Variants in ADAMTS6 observed in about 807,000 individuals in gnomAD.
The protein encoded by ADAMTS6 is A disintegrin and metalloproteinase with thrombospondin motifs 6.
A neutral mutation model predicts 144.3 loss-of-function variants in ADAMTS6; 23 were observed. The observed-to-expected ratio is 0.16, with a 90% CI of 0.11 to 0.23. The LOEUF is 0.23. Ranked by LOEUF, ADAMTS6 falls within the 10% of genes least tolerant of loss-of-function variation. The pLI, the probability that ADAMTS6 is intolerant of heterozygous loss-of-function variation, is 1.00. For synonymous variants in ADAMTS6, 444 were observed against 457.5 expected (o/e 0.97, Z 0.38); for missense variants, 999 against 1,379.6 (o/e 0.72, Z 4.37).
At position 65,215,454 on chromosome 5, in the gene ADAMTS6, T is replaced by C; in HGVS notation, c.2306A>G (p.Asn769Ser). The C allele has an allele frequency of 6.2e-7, 1 of 1,612,608 alleles. No homozygotes were observed. Among genetic ancestry groups the C allele is most frequent in the Non-Finnish European group, 8.5e-7 (1 of 1,179,516 alleles). The change falls in exon 19 of 25, where the codon AAT (asparagine) becomes AGT (serine). Residue 769 changes from asparagine (N) to serine (S), a missense_variant. Physicochemically the swap from Asn to Ser is conservative, Grantham distance 46. Coordinates refer to ENST00000381055, the MANE Select transcript of ADAMTS6 (RefSeq NM_197941.4). ...AGGCCAGTCAATAGTCCAGGCACCA[T>C]TAATATAGTAATCATCTCCTTCAGA... is the stretch of plus-strand genomic sequence containing the variant. ...LKSEGDDYYI[N>S]GAWTIDWPRK...
intron 20 of ADAMTS6, among the ~76,000 whole-genome samples, chr5:65,204,009 A>G (rs1377863374): frequency 6.6e-6 from 1 of 152,194 alleles, no homozygotes; most frequent in Non-Finnish European, 1.5e-5. Context: ...ATAATCACTA[A>G]AGCAACACAA....
At chr5:65,370,457 A>G (rs1048826504) in intron 7 of ADAMTS6, among the ~76,000 whole-genome samples, 1 of 152,170 alleles carries the variant, frequency 6.6e-6, no homozygotes, top group Non-Finnish European at 1.5e-5. Context: ...GCATTGCCTC[A>G]CCTGGGAAGC....
At chr5:65,372,355 G>C (rs1194753042) in intron 7 of ADAMTS6, among the ~76,000 whole-genome samples, 1 of 151,798 alleles carries the variant, frequency 6.6e-6, no homozygotes, top group Non-Finnish European at 1.5e-5. Flanking sequence ...CTGTATTCAG[G>C]AAACCCATCT....
chr5:65,333,190 T>A lies in ADAMTS6; in HGVS notation c.1117+852A>T, dbSNP rs575999372. 4.6e-5 allele frequency among the ~76,000 whole-genome samples: 7 copies of A among 152,216 alleles called. No individual in the cohort carries two copies. In the South Asian group the frequency reaches 1.5e-3, roughly 32 times the overall value. ...GAGAATTCATCTTCAGTTGTTTACCTTCTGAGTCTGTAAAAAGTCTCTATG... is the reference window on the plus strand; with the variant it reads ...GAGAATTCATCTTCAGTTGTTTACCATCTGAGTCTGTAAAAAGTCTCTATG... On this transcript the variant is annotated intron_variant, in intron 8 of 24. Coordinates refer to ENST00000381055, the MANE Select transcript of ADAMTS6 (RefSeq NM_197941.4).
At chr5:65,275,527 C>A (rs974289104) in intron 11 of ADAMTS6, among the ~76,000 whole-genome samples, 5 of 151,692 alleles carry the variant, frequency 3.3e-5, no homozygotes, top group Non-Finnish European at 7.4e-5. Context: ...CTCATGTTTA[C>A]GATCCAATAT....
At chr5:65,337,860 C>T (rs778249889) in intron 7 of ADAMTS6, among the ~76,000 whole-genome samples, 2 of 152,252 alleles carry the variant, frequency 1.3e-5, no homozygotes, top group Non-Finnish European at 2.9e-5. Context: ...CAAGGAGTCT[C>T]GCTTTATCCC....
intron 7 of ADAMTS6, among the ~76,000 whole-genome samples, chr5:65,416,396 G>A (rs1267391022): frequency 6.6e-6 from 1 of 152,074 alleles, no homozygotes; most frequent in African/African-American, 2.4e-5. Flanking sequence ...TCTTCAAAAG[G>A]TTAAACATAG....
chr5:65,461,083 A>G (rs1018909894), intron 3 of ADAMTS6, among the ~76,000 whole-genome samples: 9 of 152,174 alleles, frequency 5.9e-5, no homozygotes, highest in Non-Finnish European at 1.0e-4. Context: ...ACTGGAATTC[A>G]AAGTTCTGCC....
At chr5:65,471,682 T>C (rs1483084165) in intron 2 of ADAMTS6, among the ~76,000 whole-genome samples, 1 of 151,440 alleles carries the variant, frequency 6.6e-6, no homozygotes, top group African/African-American at 2.4e-5. Flanking sequence ...CACTTGAACC[T>C]GGGAGGTGGT....
At chr5:65,232,675 T>C (rs1016846062) in intron 15 of ADAMTS6, among the ~76,000 whole-genome samples, 2 of 139,820 alleles carry the variant, frequency 1.4e-5, no homozygotes, top group Non-Finnish European at 3.1e-5. Flanking sequence ...AGAACAATAA[T>C]AAGAAGAGAG....
At position 65,160,248 on chromosome 5, in the gene ADAMTS6, G is replaced by A. The variant is rs115836475; in HGVS notation, c.3245-8303C>T. Among the ~76,000 whole-genome samples the A allele has an allele frequency of 9.8e-3, 1,488 of 152,008 alleles. 20 individuals are homozygous for A. Among genetic ancestry groups the A allele is most frequent in the African/African-American group, 0.034 (1,398 of 41,450 alleles). On this transcript the variant is annotated intron_variant, in intron 24 of 24. Coordinates refer to ENST00000381055, the MANE Select transcript of ADAMTS6 (RefSeq NM_197941.4). The stretch of plus-strand genomic sequence containing the variant: ...AATCTGACTGTGCTGGAGGAAAGGG[G>A]ATCCTCTTCCACCTCTTCCACTCTC...
chr5:65,224,856 C>G, intron 17 of ADAMTS6, 68 bp downstream of exon 17: 1 of 1,479,064 alleles, frequency 6.8e-7, no homozygotes, highest in Non-Finnish European at 9.0e-7. Flanking sequence ...CAGGGGGAGG[C>G]GAAGCGAGGG....
At chr5:65,470,068 A>AT (rs1329177478) in intron 3 of ADAMTS6, among the ~76,000 whole-genome samples, 1 of 152,010 alleles carries the variant, frequency 6.6e-6, no homozygotes, top group East Asian at 1.9e-4. Context: ...TCTTGAACCC[A>AT]TTTTCTTTTT....
At chr5:65,228,263 G>T (rs1216870945) in intron 15 of ADAMTS6, among the ~76,000 whole-genome samples, 1 of 152,026 alleles carries the variant, frequency 6.6e-6, no homozygotes, top group African/African-American at 2.4e-5. Context: ...GAGAAGCTGA[G>T]TCTTCTGTTT....
chr5:65,219,760 C>T (rs914307520), intron 18 of ADAMTS6, among the ~76,000 whole-genome samples: 6 of 152,234 alleles, frequency 3.9e-5, no homozygotes, highest in African/African-American at 7.2e-5. Flanking sequence ...TCATAAAATG[C>T]TCAATATATC....
intron 7 of ADAMTS6, among the ~76,000 whole-genome samples, chr5:65,392,431 CT>C (rs1753001765): frequency 6.6e-6 from 1 of 152,094 alleles, no homozygotes; most frequent in Admixed American, 6.6e-5. Context: ...CTAGTCAGCC[CT>C]CAGTATTTTA....
intron 22 of ADAMTS6, among the ~76,000 whole-genome samples, chr5:65,184,299 C>T (rs1462086129): frequency 1.3e-5 from 2 of 152,162 alleles, no homozygotes; most frequent in South Asian, 2.1e-4. Context: ...ATCAACATTT[C>T]GGGGTTACAC....
intron 11 of ADAMTS6, among the ~76,000 whole-genome samples, chr5:65,288,230 A>G (rs1206631644): frequency 6.6e-6 from 1 of 152,094 alleles, no homozygotes; most frequent in Non-Finnish European, 1.5e-5. Flanking sequence ...TTTATGGCCA[A>G]GTGGAAGAGA....
At chr5:65,378,355 T>C (rs1306624759) in intron 7 of ADAMTS6, among the ~76,000 whole-genome samples, 1 of 152,182 alleles carries the variant, frequency 6.6e-6, no homozygotes, top group Admixed American at 6.6e-5. Flanking sequence ...CAATCAACCA[T>C]CAATGCCTAT....
Sources: gnomAD v4.1 joint callset for allele counts (sites outside exome capture counted in the v4.1 genomes callset) on GRCh38, gnomAD v4.1.1 for gene constraint, MANE v1.5 for transcripts, NCBI Gene and HGNC (gene_info 2026-07-23, HGNC 2026-07-21) for gene names.